MAST4: variants seen among roughly 807,000 people sequenced by gnomAD.
MAST4 encodes microtubule associated serine/threonine kinase family member 4.
MAST4 carries 89 observed loss-of-function variants against 162.7 expected under a neutral mutation model. The ratio of observed to expected loss-of-function variants is 0.55; its 90% CI spans 0.46 to 0.65. MAST4 has a LOEUF of 0.65. MAST4 is among the 30% of genes least tolerant of loss of function. The pLI, the probability that MAST4 is intolerant of heterozygous loss-of-function variation, is 0.00. For missense variants in MAST4, 3,153 were observed against 3,374.0 expected (o/e 0.93, Z 1.62); for synonymous variants, 1,479 against 1,361.1 (o/e 1.09, Z -1.91).
At chr5:66,812,141 C>G (rs942278175) in intron 3 of MAST4, among the ~76,000 whole-genome samples, 1 of 152,174 alleles carries the variant, frequency 6.6e-6, no homozygotes, top group South Asian at 2.1e-4. Context: ...AGAAGGCTAT[C>G]GATAAGTCTC....
At chr5:66,971,864 T>G (rs1747470898) in intron 4 of MAST4, among the ~76,000 whole-genome samples, 1 of 152,142 alleles carries the variant, frequency 6.6e-6, no homozygotes, top group South Asian at 2.1e-4. Context: ...ATTTCCAACA[T>G]TTAAAATATG....
chr5:66,995,239 G>T (rs1750498634), intron 4 of MAST4, among the ~76,000 whole-genome samples: 1 of 152,140 alleles, frequency 6.6e-6, no homozygotes, highest in Admixed American at 6.5e-5. Context: ...TATTTCGTGT[G>T]TCAAAAAATA....
intron 4 of MAST4, among the ~76,000 whole-genome samples, chr5:67,008,417 G>A (rs1191860237): frequency 6.6e-6 from 1 of 152,158 alleles, no homozygotes; most frequent in East Asian, 1.9e-4. Flanking sequence ...TGGGGGAAAC[G>A]AATCAAGCTT....
intron 1 of MAST4, among the ~76,000 whole-genome samples, chr5:66,734,620 G>A (rs1320914570): frequency 6.6e-6 from 1 of 152,134 alleles, no homozygotes; most frequent in Non-Finnish European, 1.5e-5. Context: ...GTCCAATAGC[G>A]CTTTCTGAGA....
At chr5:67,081,701 T>C (rs1358023278) in intron 5 of MAST4, among the ~76,000 whole-genome samples, 1 of 152,170 alleles carries the variant, frequency 6.6e-6, no homozygotes, top group Non-Finnish European at 1.5e-5. Context: ...TCCAAAACTA[T>C]AAAAATAATT....
chr5:66,746,745 C>T (rs1162028426), intron 1 of MAST4, among the ~76,000 whole-genome samples: 1 of 152,086 alleles, frequency 6.6e-6, no homozygotes, highest in Non-Finnish European at 1.5e-5. Flanking sequence ...CAACTTCAGG[C>T]ATAGATCAAA....
In MAST4 at chr5:67,133,629, G is replaced by C. The variant is rs760168623; in HGVS notation, c.2209G>C (p.Glu737Gln). ...GGGTCATATTGAGAAGGATGCTAGA[G>C]AGTTCCTGGATAAACAGGTAAGCTT... The part of the protein sequence containing the change: ...YEGHIEKDAR[E>Q]FLDKQVCGTP... Residue 737 changes from glutamate (E) to glutamine (Q), a missense_variant, in exon 17 of 29, where the codon GAG becomes CAG. Physicochemically the swap from Glu to Gln is conservative, Grantham distance 29. Around this residue, in one of 7 missense-constraint regions of MAST4, gnomAD observed 131 missense variants for 253.8 expected, o/e 0.52. Transcript: ENST00000403625. 6.2e-7 allele frequency: 1 copy of C among 1,613,184 alleles called. No homozygotes were observed. The highest frequency in any genetic ancestry group is 1.7e-5 in the Admixed American group (1 of 59,956).
intron 4 of MAST4, among the ~76,000 whole-genome samples, chr5:66,997,277 T>G (rs575578667): frequency 1.8e-4 from 27 of 152,138 alleles, no homozygotes; most frequent in Non-Finnish European, 2.9e-4. Context: ...GGTCTATGTA[T>G]GTATATGTTT....
At chr5:66,738,892 T>C (rs1032491255) in intron 1 of MAST4, among the ~76,000 whole-genome samples, 8 of 152,262 alleles carry the variant, frequency 5.3e-5, no homozygotes, top group Non-Finnish European at 1.2e-4. Flanking sequence ...TATGAGATAT[T>C]GTGACTACAT....
intron 4 of MAST4, among the ~76,000 whole-genome samples, chr5:66,979,863 A>G (rs1748572727): frequency 6.6e-6 from 1 of 152,246 alleles, no homozygotes; most frequent in Non-Finnish European, 1.5e-5. Context: ...TCACATGTGT[A>G]TAGAATACAT....
At chr5:66,825,779 T>C (rs1260214458) in intron 3 of MAST4, among the ~76,000 whole-genome samples, 1 of 152,158 alleles carries the variant, frequency 6.6e-6, no homozygotes, top group East Asian at 1.9e-4. Context: ...AATGAAATAC[T>C]GCAAAGCCCC....
rs767657722 is a variant in MAST4, at chr5:67,121,079, AT to A, written c.1724del (p.Leu575Ter). 6.2e-7 allele frequency: 1 copy of A among 1,609,240 alleles called. No individual in the cohort carries two copies. Among genetic ancestry groups the A allele is most frequent in the Non-Finnish European group, 8.5e-7 (1 of 1,177,642 alleles). ...GGGAAAGTGATTTTGAAACGATTAA[AT>A]TGATTAGCAATGGAGCCTATGGGTG... ...PRESDFETIK[L>X]ISNGAYGAVY... On this transcript the variant is annotated frameshift_variant, in exon 14 of 29. Transcript: ENST00000403625. LOFTEE classifies it high-confidence loss of function.
At chr5:66,746,646 T>G (rs1238574114) in intron 1 of MAST4, among the ~76,000 whole-genome samples, 1 of 152,210 alleles carries the variant, frequency 6.6e-6, no homozygotes, top group Non-Finnish European at 1.5e-5. Context: ...ATTCTCTTCC[T>G]GCTTGTTAAG....
intron 3 of MAST4, among the ~76,000 whole-genome samples, chr5:66,880,739 A>G (rs1331020450): frequency 6.6e-6 from 1 of 152,234 alleles, no homozygotes; most frequent in Non-Finnish European, 1.5e-5. Flanking sequence ...AGTGGATTCC[A>G]CTTATTTTCC....
chr5:67,003,647 T>A (rs965052584), intron 4 of MAST4, among the ~76,000 whole-genome samples: 3 of 152,224 alleles, frequency 2.0e-5, no homozygotes, highest in Non-Finnish European at 4.4e-5. Flanking sequence ...ATATTTTTTC[T>A]TTATGTACTT....
chr5:67,124,555 C>A (rs1440393849), intron 14 of MAST4, among the ~76,000 whole-genome samples: 1 of 152,018 alleles, frequency 6.6e-6, no homozygotes, highest in Non-Finnish European at 1.5e-5. Flanking sequence ...CAAAGCAATA[C>A]AGAAATGTAA....
At chr5:66,723,953 T>C (rs1326956140) in intron 1 of MAST4, among the ~76,000 whole-genome samples, 5 of 152,136 alleles carry the variant, frequency 3.3e-5, no homozygotes, top group Non-Finnish European at 7.4e-5. Flanking sequence ...TACCTCACTA[T>C]ACCCCCACCC....
chr5:66,930,790 A>G, intron 4 of MAST4: 1 of 470,856 alleles, frequency 2.1e-6, no homozygotes, highest in South Asian at 1.5e-5. Context: ...TTGAGAGGAA[A>G]TAAGAATGGG....
chr5:66,863,552 C>A (rs1180688212), intron 3 of MAST4, among the ~76,000 whole-genome samples: 3 of 152,062 alleles, frequency 2.0e-5, no homozygotes, highest in Non-Finnish European at 4.4e-5. Flanking sequence ...TTCCCTTTTT[C>A]TTTTCCTCTC....
Sources: gnomAD v4.1 joint callset for allele counts (sites outside exome capture counted in the v4.1 genomes callset) on GRCh38, gnomAD v4.1.1 for gene constraint, gnomAD v4.1.1 regional missense constraint, MANE v1.5 for transcripts, NCBI Gene and HGNC (gene_info 2026-07-23, HGNC 2026-07-21) for gene names.